MS4A8: variants seen among roughly 807,000 people sequenced by gnomAD.
The protein encoded by MS4A8 is membrane-spanning 4-domains subfamily A member 8.
MS4A8 carries 27 observed loss-of-function variants against 23.7 expected under a neutral mutation model. That is an observed-to-expected ratio of 1.14 (90% confidence interval 0.84 to 1.57). The LOEUF (loss-of-function observed/expected upper bound fraction) is 1.57. MS4A8 is among the 40% of genes most tolerant of loss of function. The pLI is 0.00. For missense variants in MS4A8, 301 were observed against 311.4 expected, an observed-to-expected ratio of 0.97 and a Z score of 0.25; for synonymous variants, 138 against 126.3, an observed-to-expected ratio of 1.09 and a Z score of -0.62.
intron 1 of MS4A8, among the ~76,000 whole-genome samples, 196 bp from the exon 2 acceptor site, chr11:60,700,664 G>A (rs950497049): frequency 2.0e-5 from 3 of 152,136 alleles, no homozygotes; most frequent in South Asian, 2.1e-4. Flanking sequence ...AAAACTGGGC[G>A]GGTGAGAGGA....
At chr11:60,704,851 T>C (rs2868224) in intron 3 of MS4A8, among the ~76,000 whole-genome samples, 2 of 146,540 alleles carry the variant, frequency 1.4e-5, no homozygotes, top group African/African-American at 2.6e-5. Context: ...CACACACACA[T>C]ACAAACAAAC....
intron 1 of MS4A8, 132 bp from the exon 2 acceptor site, chr11:60,700,728 A>G (rs537582183): frequency 9.9e-5 from 84 of 845,162 alleles, no homozygotes; most frequent in African/African-American, 9.3e-4. Context: ...ACTGATATCT[A>G]TTATTTGTAA....
intron 5 of MS4A8, among the ~76,000 whole-genome samples, chr11:60,710,886 C>T (rs1056075557): frequency 6.6e-6 from 1 of 152,180 alleles, no homozygotes; most frequent in South Asian, 2.1e-4. Context: ...ATGTTCCCTC[C>T]GACTGGGGAA....
Position 60,715,427 on chromosome 11 carries a change from T to C in MS4A8, c.*13T>C. ...AGCAAATAAGTAAGGCTACAGATTC[T>C]GGAAGCATCTTTCACTGGGACCAAA... On this transcript the variant is annotated 3_prime_UTR_variant, in exon 7 of 7. Transcript: ENST00000300226. The C allele has an allele frequency of 6.2e-7, 1 of 1,604,114 alleles. No homozygotes were observed. The highest frequency in any genetic ancestry group is 8.5e-7 in the Non-Finnish European group (1 of 1,171,610).
intron 3 of MS4A8, among the ~76,000 whole-genome samples, chr11:60,705,279 C>A (rs2088246005): frequency 6.6e-6 from 1 of 152,248 alleles, no homozygotes; most frequent in South Asian, 2.1e-4. Flanking sequence ...TCACGGCCAC[C>A]CAGGCCTACC....
chr11:60,701,521 G>C (rs1383449579), intron 2 of MS4A8: 2 of 348,302 alleles, frequency 5.7e-6, no homozygotes, highest in Admixed American at 7.6e-5. Context: ...CTGAGAGGCT[G>C]TCCTGCGCTG....
At chr11:60,708,188 C>T (rs2088273410) in intron 4 of MS4A8, among the ~76,000 whole-genome samples, 2 of 152,062 alleles carry the variant, frequency 1.3e-5, no homozygotes, top group African/African-American at 4.8e-5. Context: ...ATGATATGCT[C>T]AATGAAGATA....
At chr11:60,705,202 A>G (rs1020934863) in intron 3 of MS4A8, among the ~76,000 whole-genome samples, 9 of 151,908 alleles carry the variant, frequency 5.9e-5, no homozygotes, top group African/African-American at 2.2e-4. Flanking sequence ...TCCCACAACC[A>G]CTCACAAGAT....
At chr11:60,715,218 G>A in intron 6 of MS4A8, 84 bp downstream of exon 6, 3 of 1,490,512 alleles carry the variant, frequency 2.0e-6, no homozygotes, top group Non-Finnish European at 2.8e-6. Flanking sequence ...TCCACTGCCT[G>A]CTCAGGAGCA....
In MS4A8 at chr11:60,703,360, T is replaced by C. The variant is rs2088222639; in HGVS notation, c.220-18T>C. On this transcript the variant is annotated intron_variant, in intron 2 of 6. Coordinates refer to ENST00000300226, the MANE Select transcript of MS4A8 (RefSeq NM_031457.2). ...CCAGCCTCAGAAACAAGACTTCAGCTTGTGGCTCTCCTGACAGGCCATCCA... is the reference window on the plus strand; with the variant it reads ...CCAGCCTCAGAAACAAGACTTCAGCCTGTGGCTCTCCTGACAGGCCATCCA... 2 of 1,529,814 alleles carry C rather than the reference T, an allele frequency of 1.3e-6. No individual in the cohort carries two copies. Among genetic ancestry groups the C allele is most frequent in the South Asian group, 1.3e-5 (1 of 79,426 alleles). The allele number at this position is 1,529,814 out of a possible 1,614,324, so 94.8% of individuals were successfully genotyped here.
chr11:60,708,150 A>G (rs1372851244), intron 4 of MS4A8, among the ~76,000 whole-genome samples: 1 of 152,098 alleles, frequency 6.6e-6, no homozygotes, highest in Admixed American at 6.5e-5. Context: ...GTCCAGCCCC[A>G]AAGATTATTC....
chr11:60,712,709 G>A (rs1407314412), intron 5 of MS4A8, among the ~76,000 whole-genome samples: 1 of 151,690 alleles, frequency 6.6e-6, no homozygotes, highest in African/African-American at 2.4e-5. Flanking sequence ...CAGGAGAATC[G>A]CTTCAACCCA....
At position 60,715,025 on chromosome 11, in the gene MS4A8, C is replaced by T. The variant is rs1343383898; in HGVS notation, c.539C>T (p.Pro180Leu). The change falls in exon 6 of 7, where the codon CCT becomes CTT. Residue 180 changes from proline (P) to leucine (L), a missense_variant. By Grantham distance (98) the Pro-to-Leu change is moderately conservative. Coordinates refer to ENST00000300226, the MANE Select transcript of MS4A8 (RefSeq NM_031457.2). Reference protein sequence around the residue: ...DYYPYAWGVNPGMAISGVLLV... With the variant: ...DYYPYAWGVNLGMAISGVLLV... ...CCCCATCTGCTCTGCCTACAGAACC[C>T]TGGAATGGCGATTTCTGGCGTGCTG... 1 of 1,613,566 alleles carries T rather than the reference C, an allele frequency of 6.2e-7. No individual in the cohort carries two copies. Among genetic ancestry groups the T allele is most frequent in the African/African-American group, 1.3e-5 (1 of 74,904 alleles).
At chr11:60,703,586 C>T (rs1391655052) in intron 3 of MS4A8, 86 bp downstream of exon 3, 1 of 1,493,020 alleles carries the variant, frequency 6.7e-7, no homozygotes, top group East Asian at 2.4e-5. Flanking sequence ...GCAGCTGTGC[C>T]CTGCAGAAGG....
Position 60,701,007 on chromosome 11 carries a change from C to G in MS4A8, c.147C>G (p.Asn49Lys), listed in dbSNP as rs1221886351. 1 of 1,614,188 alleles carries G rather than the reference C, an allele frequency of 6.2e-7. No homozygotes were observed. Among genetic ancestry groups the G allele is most frequent in the African/African-American group, 1.3e-5 (1 of 75,036 alleles). The change falls in exon 2 of 7, where the codon AAC becomes AAG. Residue 49 changes from asparagine to lysine, a missense_variant. Asn to Lys is a moderately conservative substitution (Grantham distance 94). Transcript: ENST00000300226. ...CGCAAGTCCACCTAGTTCCTGGGAA[C>G]CCACCTAGTTTGGTGTCGAATGTGA... ...SQPQVHLVPG[N>K]PPSLVSNVNG...
intron 5 of MS4A8, among the ~76,000 whole-genome samples, chr11:60,713,589 T>C (rs1223598958): frequency 1.3e-5 from 2 of 152,142 alleles, no homozygotes; most frequent in African/African-American, 4.8e-5. Flanking sequence ...AAATGGAATA[T>C]ACAATGGACT....
At chr11:60,709,393 A>G (rs2088283183) in intron 5 of MS4A8, among the ~76,000 whole-genome samples, 1 of 139,256 alleles carries the variant, frequency 7.2e-6, no homozygotes, top group Admixed American at 6.8e-5. Flanking sequence ...TTTAAAAGAG[A>G]GAGAGAGTGA....
intron 1 of MS4A8, among the ~76,000 whole-genome samples, 163 bp downstream of exon 1, chr11:60,699,938 G>A (rs367847811): frequency 2.0e-4 from 31 of 152,324 alleles, no homozygotes; most frequent in African/African-American, 7.0e-4. Context: ...GATAGGACAT[G>A]GAGGGGGATG....
At chr11:60,714,338 C>G (rs188486011) in intron 5 of MS4A8, among the ~76,000 whole-genome samples, 34 of 152,274 alleles carry the variant, frequency 2.2e-4, no homozygotes, top group African/African-American at 7.9e-4. Flanking sequence ...TCAGGGAGCA[C>G]AGGGTTGGGG....
Sources: gnomAD v4.1 joint callset for allele counts (sites outside exome capture counted in the v4.1 genomes callset) on GRCh38, gnomAD v4.1.1 for gene constraint, MANE v1.5 for transcripts, NCBI Gene and HGNC (gene_info 2026-07-23, HGNC 2026-07-21) for gene names.